Variants in AFAP1 observed in about 807,000 individuals in gnomAD.
The protein encoded by AFAP1 is actin filament associated protein 1.
A neutral mutation model predicts 93.9 loss-of-function variants in AFAP1; 75 were observed. The observed-to-expected ratio is 0.80, with a 90% CI of 0.66 to 0.97. The LOEUF is 0.97. Among genes scored for constraint, AFAP1 ranks in the 50% least tolerant of loss-of-function variants. The pLI, the probability that AFAP1 is intolerant of heterozygous loss-of-function variation, is 0.00. For missense variants in AFAP1, 1,201 were observed against 1,050.8 expected, an observed-to-expected ratio of 1.14 and a Z score of -1.98; for synonymous variants, 517 against 430.7, an observed-to-expected ratio of 1.20 and a Z score of -2.48.
chr4:7,907,647 C>T (rs945166520), intron 1 of AFAP1, among the ~76,000 whole-genome samples: 3 of 152,148 alleles, frequency 2.0e-5, no homozygotes, highest in Non-Finnish European at 2.9e-5. Flanking sequence ...TGACGTGACG[C>T]CCAATGAAAT....
In AFAP1 at chr4:7,800,473, A is replaced by G; in HGVS notation, c.1235T>C (p.Leu412Pro). ...DSKHPLTFRL[L>P]RNGQEVAVLE... is the part of the protein sequence containing the mutation. ...TACTGCAACCTCCTGGCCGTTGCGCAGCAGCCGGAACGTCAGAGGATGTTT... is the reference window on the plus strand; with the variant it reads ...TACTGCAACCTCCTGGCCGTTGCGCGGCAGCCGGAACGTCAGAGGATGTTT... The change falls in exon 10 of 18, where the codon CTG (leucine) becomes CCG (proline). Residue 412 changes from leucine to proline, a missense_variant. Leu to Pro is a moderately conservative substitution (Grantham distance 98, BLOSUM62 -3). Transcript: ENST00000420658. 1 of 1,614,228 alleles carries G rather than the reference A, an allele frequency of 6.2e-7. No individual in the cohort carries two copies. The highest frequency in any genetic ancestry group is 8.5e-7 in the Non-Finnish European group (1 of 1,180,038).
At chr4:7,931,910 G>C (rs971478550) in intron 1 of AFAP1, among the ~76,000 whole-genome samples, 1 of 151,952 alleles carries the variant, frequency 6.6e-6, no homozygotes, top group African/African-American at 2.4e-5. Flanking sequence ...GCCCAGGCTG[G>C]AGTGCAGTGG....
intron 2 of AFAP1, among the ~76,000 whole-genome samples, 183 bp downstream of exon 2, chr4:7,871,769 T>C (rs1717069961): frequency 1.3e-5 from 2 of 152,226 alleles, no homozygotes; most frequent in South Asian, 4.1e-4. Context: ...GCTTTATCTT[T>C]CTACACCTGG....
intron 17 of AFAP1, among the ~76,000 whole-genome samples, chr4:7,764,149 G>A (rs1472029703): frequency 6.6e-6 from 1 of 152,184 alleles, no homozygotes; most frequent in Non-Finnish European, 1.5e-5. Flanking sequence ...GCTGCAACCT[G>A]GATGAACCTT....
rs1719178696 is a variant in AFAP1, at chr4:7,902,615, C to G, written c.-2-30535G>C. Among the ~76,000 whole-genome samples, 3 of 152,314 alleles carry G rather than the reference C, an allele frequency of 2.0e-5. No homozygotes were observed. In the South Asian group the frequency reaches 6.2e-4, roughly 32 times the overall value. On this transcript the variant is annotated intron_variant, in intron 1 of 17. Transcript: ENST00000420658. ...TAAAGACATCATAGAAATGGCCACT[C>G]TTTCTAGGTACAAACCTTGTGAACA... is the stretch of plus-strand genomic sequence containing the variant.
chr4:7,891,169 C>A (rs1342205483), intron 1 of AFAP1, among the ~76,000 whole-genome samples: 1 of 152,126 alleles, frequency 6.6e-6, no homozygotes. Context: ...CTAACACAAG[C>A]CCAAAAGGCA....
chr4:7,763,719 G>C lies in AFAP1; in HGVS notation c.*46C>G, dbSNP rs1198792620. 1 of 1,551,020 alleles carries C rather than the reference G, an allele frequency of 6.4e-7. No homozygotes were observed. The highest frequency in any genetic ancestry group is 2.4e-5 in the East Asian group (1 of 40,908). ...TGCCGTCACACAGATGAGGATACAGGCAAGGGGGTGTGCAGTCTCTGAGGC... is the reference window on the plus strand; with the variant it reads ...TGCCGTCACACAGATGAGGATACAGCCAAGGGGGTGTGCAGTCTCTGAGGC... On this transcript the variant is annotated 3_prime_UTR_variant, in exon 18 of 18. Coordinates refer to ENST00000420658, the MANE Select transcript of AFAP1 (RefSeq NM_001134647.2).
At chr4:7,852,574 C>T (rs796678478) in intron 4 of AFAP1, among the ~76,000 whole-genome samples, 4 of 152,180 alleles carry the variant, frequency 2.6e-5, no homozygotes, top group African/African-American at 9.6e-5. Context: ...CCATCCAATA[C>T]AGAAGTGCTA....
Position 7,817,531 on chromosome 4 carries a change from C to T in AFAP1, c.823-1432G>A, listed in dbSNP as rs919697232. The stretch of plus-strand genomic sequence containing the variant: ...ACTTGAACTCAGGAGGTGGAGGCTG[C>T]AGTGAGCCAAGATGGTGCCATTGCA... On this transcript the variant is annotated intron_variant, in intron 7 of 17. Coordinates refer to ENST00000420658, the MANE Select transcript of AFAP1 (RefSeq NM_001134647.2). Among the ~76,000 whole-genome samples, 19 of 152,274 alleles carry T rather than the reference C, an allele frequency of 1.2e-4. 1 individual carries two copies. The highest frequency in any genetic ancestry group is 4.6e-4 in the African/African-American group (19 of 41,556).
intron 1 of AFAP1, among the ~76,000 whole-genome samples, chr4:7,922,250 T>C (rs1393789987): frequency 6.6e-6 from 1 of 152,212 alleles, no homozygotes; most frequent in Non-Finnish European, 1.5e-5. Flanking sequence ...ATAGTACATA[T>C]TTTCAATGTA....
At chr4:7,768,125 C>T (rs549864868) in intron 17 of AFAP1, among the ~76,000 whole-genome samples, 2 of 152,368 alleles carry the variant, frequency 1.3e-5, no homozygotes, top group African/African-American at 4.8e-5. Flanking sequence ...AGAGCCGGTA[C>T]AGGAGGACTC....
At chr4:7,915,205 C>G (rs551286151) in intron 1 of AFAP1, among the ~76,000 whole-genome samples, 3 of 151,050 alleles carry the variant, frequency 2.0e-5, no homozygotes, top group East Asian at 2.0e-4. Context: ...TTACATTCCC[C>G]CCTACGGTGC....
chr4:7,770,352 C>T (rs2148954785), intron 16 of AFAP1, among the ~76,000 whole-genome samples: 1 of 152,214 alleles, frequency 6.6e-6, no homozygotes. Context: ...GGCACCGGAA[C>T]CGGGGAGTGA....
chr4:7,766,947 C>T (rs984748820), intron 17 of AFAP1, among the ~76,000 whole-genome samples: 15 of 151,938 alleles, frequency 9.9e-5, no homozygotes, highest in African/African-American at 1.9e-4. Flanking sequence ...GCGGGCATAG[C>T]GCTTCCCACA....
At chr4:7,828,145 T>A (rs1721599064) in intron 6 of AFAP1, among the ~76,000 whole-genome samples, 1 of 152,156 alleles carries the variant, frequency 6.6e-6, no homozygotes, top group Non-Finnish European at 1.5e-5. Context: ...CCTTGAGAAC[T>A]CTGGCAAAGC....
At chr4:7,918,071 A>G (rs1720187343) in intron 1 of AFAP1, among the ~76,000 whole-genome samples, 1 of 152,228 alleles carries the variant, frequency 6.6e-6, no homozygotes, top group South Asian at 2.1e-4. Context: ...CCCTAGAAAC[A>G]TGGTGGAAAT....
intron 9 of AFAP1, among the ~76,000 whole-genome samples, chr4:7,802,063 G>GT (rs1719098894): frequency 7.0e-6 from 1 of 142,160 alleles, no homozygotes; most frequent in African/African-American, 2.7e-5. Flanking sequence ...AAAAAGAGAG[G>GT]TATGTTCAGG....
At chr4:7,815,762 G>A (rs1720413734) in intron 8 of AFAP1, among the ~76,000 whole-genome samples, 2 of 152,168 alleles carry the variant, frequency 1.3e-5, no homozygotes, top group African/African-American at 2.4e-5. Context: ...CAAAACATAT[G>A]CAGGGCAGAA....
intron 6 of AFAP1, among the ~76,000 whole-genome samples, chr4:7,829,145 G>C (rs148653491): frequency 3.2e-4 from 49 of 152,280 alleles, no homozygotes; most frequent in African/African-American, 1.1e-3. Flanking sequence ...GGCCTCCCCA[G>C]CCATGTGGAA....
Sources: gnomAD v4.1 joint callset for allele counts (sites outside exome capture counted in the v4.1 genomes callset) on GRCh38, gnomAD v4.1.1 for gene constraint, MANE v1.5 for transcripts, NCBI Gene and HGNC (gene_info 2026-07-23, HGNC 2026-07-21) for gene names.